MYO10: variants seen among roughly 807,000 people sequenced by gnomAD.
The protein encoded by MYO10 is myosin X.
Under a neutral mutation model 257.3 loss-of-function variants are expected in MYO10, and 133 were observed. The ratio of observed to expected loss-of-function variants is 0.52; its 90% confidence interval spans 0.45 to 0.60. MYO10 has a LOEUF of 0.60. MYO10 is among the 20% of genes least tolerant of loss of function. The pLI is 0.00. For synonymous variants in MYO10, 1,104 were observed against 1,028.6 expected (o/e 1.07, Z -1.40); for missense variants, 2,399 against 2,635.7 (o/e 0.91, Z 1.97).
chr5:16,666,684 T>A lies in MYO10; in HGVS notation c.*8A>T. On this transcript the variant is annotated 3_prime_UTR_variant, in exon 41 of 41. Coordinates refer to ENST00000513610, the MANE Select transcript of MYO10 (RefSeq NM_012334.3). ...AGGTAGCAAAGACAGGTGGGCTCTG[T>A]CCCGCCTTCACCTGGAGCTGCCCTG... 6.3e-7 allele frequency: 1 copy of A among 1,589,814 alleles called. No homozygotes were observed. The highest frequency in any genetic ancestry group is 8.5e-7 in the Non-Finnish European group (1 of 1,170,102).
rs1295724722 is a variant in MYO10 at position 16,681,941 on chromosome 5, G to A, written c.4119C>T (p.His1373=). Residue 1373 remains histidine (H), a synonymous_variant, in exon 31 of 41, where the codon CAC becomes CAT. Coordinates refer to ENST00000513610, the MANE Select transcript of MYO10 (RefSeq NM_012334.3). ...ACCTCTGCAGCAGGGTTATCCAGTG[G>A]TGCATCTCCTCCGGCGTGTCGGCGT... is the stretch of plus-strand genomic sequence containing the variant. ...HCNADTPEEM[H]HWITLLQRSK... 1.8e-5 allele frequency: 29 copies of A among 1,613,948 alleles called. No individual in the cohort carries two copies. Among genetic ancestry groups the A allele is most frequent in the Non-Finnish European group, 2.3e-5 (27 of 1,179,862 alleles).
At chr5:16,681,087 C>T (rs964136376) in intron 32 of MYO10, among the ~76,000 whole-genome samples, 6 of 152,152 alleles carry the variant, frequency 3.9e-5, no homozygotes, top group African/African-American at 1.4e-4. Flanking sequence ...TTTTCTTGTC[C>T]TTGCGAGAAT....
chr5:16,862,399 CACAG>C (rs890514418), intron 2 of MYO10, among the ~76,000 whole-genome samples: 9 of 152,166 alleles, frequency 5.9e-5, no homozygotes, highest in Admixed American at 2.0e-4. Context: ...GCAACTCATT[CACAG>C]ACAGACAATT....
At position 16,668,447 on chromosome 5, in the gene MYO10, G is replaced by A. The variant is rs1235238723; in HGVS notation, c.5905C>T (p.Gln1969Ter). Residue 1969 changes from glutamine (Q) to a stop codon, truncating the protein, a stop_gained, in exon 40 of 41, where the codon CAG becomes TAG. Transcript: ENST00000513610. LOFTEE classifies it high-confidence loss of function. ...GCGCTGACACCCAACCAGAGTTCCT[G>A]AGGGAAGCCACCTTCCTTGCACTGG... The part of the protein sequence containing the change: ...DVECKEGGFP[Q>*]ELWLGVSADA... 1 of 1,610,550 alleles carries A rather than the reference G, an allele frequency of 6.2e-7. No individual in the cohort carries two copies. Among genetic ancestry groups the A allele is most frequent in the Non-Finnish European group, 8.5e-7 (1 of 1,178,602 alleles).
chr5:16,670,463 C>T lies in MYO10; in HGVS notation c.5883+63G>A, dbSNP rs1437244200. The T allele has an allele frequency of 2.0e-5, 29 of 1,417,412 alleles. No individual in the cohort carries two copies. In the East Asian group the frequency reaches 2.5e-4, roughly 12 times the overall value. The allele number at this position is 1,417,412 out of a possible 1,614,324, so 87.8% of individuals were successfully genotyped here. A position where few individuals can be genotyped will look rare whatever the true frequency, so the allele number is the denominator to read the frequency against. On this transcript the variant is annotated intron_variant, in intron 39 of 40. Coordinates refer to ENST00000513610, the MANE Select transcript of MYO10 (RefSeq NM_012334.3). ...TGTCTTCTCTCCACATGAACTTGGC[C>T]GTGATCCATGTTCTCAGATGCCAGC...
At chr5:16,683,223 A>T (rs1198415981) in intron 30 of MYO10, among the ~76,000 whole-genome samples, 1 of 152,206 alleles carries the variant, frequency 6.6e-6, no homozygotes, top group Non-Finnish European at 1.5e-5. Context: ...TGAGGGCAGA[A>T]GACAATTTTG....
chr5:16,782,777 C>T (rs555424219), intron 5 of MYO10, among the ~76,000 whole-genome samples: 9 of 152,220 alleles, frequency 5.9e-5, no homozygotes, highest in African/African-American at 9.6e-5. Context: ...TACAACAACT[C>T]GGGTGACACC....
At chr5:16,670,400 T>A in intron 39 of MYO10, 126 bp downstream of exon 39, 1 of 758,720 alleles carries the variant, frequency 1.3e-6, no homozygotes, top group Non-Finnish European at 2.1e-6. Flanking sequence ...TTCTGGGGGC[T>A]CGAATAAAAG....
Position 16,825,493 on chromosome 5 carries a change from G to A in MYO10, c.121-7326C>T, listed in dbSNP as rs144524650. On this transcript the variant is annotated intron_variant, in intron 2 of 40. Transcript: ENST00000513610. ...CTAACACAACACTCAGCATCACAACGTTTGATGCCTCCCTATATTTTATAT... is the reference window on the plus strand; with the variant it reads ...CTAACACAACACTCAGCATCACAACATTTGATGCCTCCCTATATTTTATAT... Among the ~76,000 whole-genome samples the A allele has an allele frequency of 1.1e-4, 16 of 152,278 alleles. No individual in the cohort carries two copies. The East Asian group carries it at 2.9e-3, about 28-fold the overall frequency.
chr5:16,723,035 A>G (rs1389857517), intron 19 of MYO10, among the ~76,000 whole-genome samples: 1 of 152,240 alleles, frequency 6.6e-6, no homozygotes, highest in African/African-American at 2.4e-5. Context: ...ACCAAAGAAG[A>G]TAGGCTAATA....
At chr5:16,753,902 C>G (rs1003296862) in intron 19 of MYO10, among the ~76,000 whole-genome samples, 2 of 152,082 alleles carry the variant, frequency 1.3e-5, no homozygotes. Context: ...TATAATAAAC[C>G]AAGTCTCATG....
intron 19 of MYO10, among the ~76,000 whole-genome samples, chr5:16,754,436 CA>C (rs1004953158): frequency 6.8e-6 from 1 of 147,088 alleles, no homozygotes; most frequent in Non-Finnish European, 1.5e-5. Flanking sequence ...AACAATAAAG[CA>C]AAAAAAAGAA....
At chr5:16,769,556 T>C (rs1033688984) in intron 9 of MYO10, among the ~76,000 whole-genome samples, 1 of 152,204 alleles carries the variant, frequency 6.6e-6, no homozygotes. Context: ...ACCAGGCTGG[T>C]CTTGAACTCC....
At chr5:16,737,537 T>C (rs1654188592) in intron 19 of MYO10, among the ~76,000 whole-genome samples, 1 of 152,246 alleles carries the variant, frequency 6.6e-6, no homozygotes, top group African/African-American at 2.4e-5. Flanking sequence ...TTTTCTATTT[T>C]AGTTGAATAG....
chr5:16,717,421 T>G (rs1392467811), intron 19 of MYO10, among the ~76,000 whole-genome samples: 1 of 152,188 alleles, frequency 6.6e-6, no homozygotes, highest in Non-Finnish European at 1.5e-5. Context: ...TCTCTGGAGA[T>G]TTAAGCACAA....
intron 1 of MYO10, among the ~76,000 whole-genome samples, chr5:16,923,420 G>A (rs1363866407): frequency 1.3e-5 from 2 of 151,820 alleles, no homozygotes; most frequent in African/African-American, 2.4e-5. Context: ...CCAAGTAGCT[G>A]GGACTACAGG....
In MYO10 at chr5:16,699,513, G is replaced by A. The variant is rs779886227; in HGVS notation, c.3493C>T (p.Arg1165Trp). Residue 1165 changes from arginine (R) to tryptophan (W), a missense_variant, in exon 26 of 41, where the codon CGG becomes TGG. By Grantham distance (101) the Arg-to-Trp change is moderately radical. Transcript: ENST00000513610. ...RFDTDDELSY[R>W]RDSVYSCVTL... ...ACACAGCTGTACACAGAGTCACGCC[G>A]GTATGAAAGCTCATCATCTGTATCA... The A allele has an allele frequency of 1.8e-5, 29 of 1,613,580 alleles. No homozygotes were observed. Among genetic ancestry groups the A allele is most frequent in the African/African-American group, 2.7e-5 (2 of 74,838 alleles).
chr5:16,672,069 C>A (rs1259934593), intron 37 of MYO10, among the ~76,000 whole-genome samples: 1 of 152,062 alleles, frequency 6.6e-6, no homozygotes, highest in Admixed American at 6.6e-5. Flanking sequence ...CCCAGGTGGG[C>A]GGATCACCTG....
At chr5:16,669,447 G>A (rs982673062) in intron 39 of MYO10, among the ~76,000 whole-genome samples, 2 of 151,986 alleles carry the variant, frequency 1.3e-5, no homozygotes, top group Admixed American at 6.6e-5. Context: ...CTCATGATCC[G>A]CCCGCCTTGG....
Sources: allele counts gnomAD v4.1 joint callset (sites outside exome capture counted in the v4.1 genomes callset), GRCh38; gene constraint gnomAD v4.1.1; transcripts MANE v1.5; gene names NCBI Gene and HGNC (gene_info 2026-07-23, HGNC 2026-07-21).